The following NEDD4L variants were observed in gnomAD, a reference collection of about 807,000 sequenced individuals.
NEDD4L encodes the protein NEDD4 like E3 ubiquitin protein ligase.
NEDD4L carries 54 observed loss-of-function variants against 148.9 expected under a neutral mutation model. That is an observed-to-expected ratio of 0.36 (90% CI 0.29 to 0.45). The LOEUF is 0.45. Ranked by LOEUF, NEDD4L falls within the 20% of genes least tolerant of loss-of-function variation. NEDD4L has a pLI of 1.00. For synonymous variants in NEDD4L, 433 were observed against 440.7 expected (o/e 0.98, Z 0.22); for missense variants, 856 against 1,233.8 (o/e 0.69, Z 4.59).
intron 1 of NEDD4L, among the ~76,000 whole-genome samples, chr18:58,130,826 G>A (rs1271104605): frequency 6.8e-6 from 1 of 147,610 alleles, no homozygotes; most frequent in Non-Finnish European, 1.5e-5. Context: ...CTGTGGTAGT[G>A]TTGGCCTTTG....
chr18:58,123,241 ACTT>A (rs1374147702), intron 1 of NEDD4L, among the ~76,000 whole-genome samples: 3 of 151,962 alleles, frequency 2.0e-5, no homozygotes, highest in Non-Finnish European at 4.4e-5. Flanking sequence ...TCCATTCTTG[ACTT>A]CTTCTGGTCC....
chr18:58,148,053 T>A (rs1004844710), intron 1 of NEDD4L, among the ~76,000 whole-genome samples: 70 of 152,218 alleles, frequency 4.6e-4, no homozygotes, highest in Non-Finnish European at 6.5e-4. Context: ...CCCCCCTTTT[T>A]TTTTTGGTCA....
chr18:58,044,983 G>T, intron 1 of NEDD4L: 1 of 434,250 alleles, frequency 2.3e-6, no homozygotes. Context: ...GGAGGAGAGG[G>T]AGGGGGCATG....
In NEDD4L at chr18:58,109,155, A is replaced by G. The variant is rs374447232; in HGVS notation, c.49-56633A>G. ...AACCAGCCGTGATTAGGTGCTCCAA[A>G]TTAGAATAAGGCAAGGCTCCTGCCC... is the stretch of plus-strand genomic sequence containing the variant. On this transcript the variant is annotated intron_variant, in intron 1 of 30. Transcript: ENST00000400345. Among the ~76,000 whole-genome samples, 281 of 152,364 alleles carry G rather than the reference A, an allele frequency of 1.8e-3. 1 individual carries two copies. The highest frequency in any genetic ancestry group is 0.01 in the Middle Eastern group (3 of 294).
intron 1 of NEDD4L, among the ~76,000 whole-genome samples, chr18:58,068,093 G>T (rs1358899630): frequency 6.6e-6 from 1 of 152,002 alleles, no homozygotes; most frequent in Non-Finnish European, 1.5e-5. Context: ...CTGAGTAGCT[G>T]GGACTACAGA....
rs141344124 is a variant in NEDD4L, at chr18:58,244,824, T to G, written c.123-603T>G. On this transcript the variant is annotated intron_variant, in intron 2 of 30. Coordinates refer to ENST00000400345, the MANE Select transcript of NEDD4L (RefSeq NM_001144967.3). ...GATTCTTCTGCCTCAGCCTCCTGAG[T>G]AGCTGGGATTACAGGCACCTGCCAC... Among the ~76,000 whole-genome samples the G allele has an allele frequency of 6.6e-5, 10 of 152,268 alleles. No homozygotes were observed. The East Asian group carries it at 1.5e-3, about 23-fold the overall frequency.
chr18:58,126,268 C>T (rs2031072761), intron 1 of NEDD4L, among the ~76,000 whole-genome samples: 1 of 152,226 alleles, frequency 6.6e-6, no homozygotes, highest in South Asian at 2.1e-4. Flanking sequence ...AAAGAGAAAC[C>T]TTGTATCCTT....
intron 2 of NEDD4L, among the ~76,000 whole-genome samples, chr18:58,237,497 C>A (rs183484821): frequency 1.6e-4 from 24 of 152,240 alleles, no homozygotes; most frequent in Admixed American, 3.3e-4. Flanking sequence ...TTGTCATTTT[C>A]TTTGGTGACT....
At chr18:58,258,758 A>G (rs1303924031) in intron 5 of NEDD4L, among the ~76,000 whole-genome samples, 3 of 152,164 alleles carry the variant, frequency 2.0e-5, no homozygotes, top group Admixed American at 6.5e-5. Flanking sequence ...AAGCAAAACG[A>G]TTTTTCTTTA....
At chr18:58,130,538 CTGT>C (rs1274211132) in intron 1 of NEDD4L, among the ~76,000 whole-genome samples, 1 of 107,342 alleles carries the variant, frequency 9.3e-6, no homozygotes, top group Non-Finnish European at 1.8e-5. Context: ...GTGTTGGGCT[CTGT>C]TGGGGTTTGG....
chr18:58,231,280 A>T lies in NEDD4L; in HGVS notation c.123-14147A>T, dbSNP rs527614259. 1.7e-3 allele frequency among the ~76,000 whole-genome samples: 258 copies of T among 151,636 alleles called. 3 individuals are homozygous for T. The highest frequency in any genetic ancestry group is 5.9e-3 in the African/African-American group (242 of 41,332). On this transcript the variant is annotated intron_variant, in intron 2 of 30. Transcript: ENST00000400345. Reference sequence around the variant, plus strand: ...AAAAAAGAACAGAAAAGGAACAAACAACAGACACAAGATTCCATGGAAAAG... The same window carrying T: ...AAAAAAGAACAGAAAAGGAACAAACTACAGACACAAGATTCCATGGAAAAG...
intron 1 of NEDD4L, among the ~76,000 whole-genome samples, chr18:58,106,979 A>G (rs1599316346): frequency 1.3e-5 from 2 of 152,216 alleles, no homozygotes; most frequent in Admixed American, 6.5e-5. Flanking sequence ...ACATTTATTT[A>G]TTTTTTTAAT....
At chr18:58,103,514 T>C (rs1436775004) in intron 1 of NEDD4L, among the ~76,000 whole-genome samples, 1 of 152,116 alleles carries the variant, frequency 6.6e-6, no homozygotes, top group Non-Finnish European at 1.5e-5. Context: ...CCGTGGCCAA[T>C]CACAGCACTT....
intron 1 of NEDD4L, among the ~76,000 whole-genome samples, chr18:58,056,468 GAT>G (rs2082089764): frequency 6.6e-6 from 1 of 152,224 alleles, no homozygotes; most frequent in Non-Finnish European, 1.5e-5. Context: ...CCAGCTCAGG[GAT>G]GTCTTCAGGA....
At position 58,236,136 on chromosome 18, in the gene NEDD4L, C is replaced by T. The variant is rs150139925; in HGVS notation, c.123-9291C>T. On this transcript the variant is annotated intron_variant, in intron 2 of 30. Coordinates refer to ENST00000400345, the MANE Select transcript of NEDD4L (RefSeq NM_001144967.3). ...GTTTGGGAGGCAGAGGCAGGAAGAT[C>T]GCCTGAAGCTAGGAGTTTGAGACCA... is the stretch of plus-strand genomic sequence containing the variant. Among the ~76,000 whole-genome samples, 10 of 152,184 alleles carry T rather than the reference C, an allele frequency of 6.6e-5. No individual in the cohort carries two copies. The East Asian group carries it at 1.9e-3, about 30-fold the overall frequency.
intron 1 of NEDD4L, among the ~76,000 whole-genome samples, chr18:58,070,532 A>G: frequency 6.6e-6 from 1 of 152,132 alleles, no homozygotes; most frequent in Non-Finnish European, 1.5e-5. Context: ...TGACGACTTC[A>G]AAAAGCTCCA....
At position 58,163,702 on chromosome 18, in the gene NEDD4L, C is replaced by T. The variant is rs546858829; in HGVS notation, c.49-2086C>T. On this transcript the variant is annotated intron_variant, in intron 1 of 30. Transcript: ENST00000400345. ...TGTTCTTTACCGTATTATGAGGACA[C>T]TGTGCTTGCCACATGGGCAGTCTTG... Among the ~76,000 whole-genome samples the T allele has an allele frequency of 1.7e-3, 258 of 152,302 alleles. 1 individual carries two copies. The highest frequency in any genetic ancestry group is 6.1e-3 in the African/African-American group (252 of 41,558).
intron 5 of NEDD4L, among the ~76,000 whole-genome samples, chr18:58,298,201 C>A (rs11660589): frequency 0.27 from 40,903 of 152,026 alleles, 5,722 homozygotes; most frequent in Middle Eastern, 0.29. Flanking sequence ...TGTCTACATG[C>A]ATGTCATATC....
At chr18:58,309,935 A>C (rs1385611770) in intron 5 of NEDD4L, among the ~76,000 whole-genome samples, 2 of 152,144 alleles carry the variant, frequency 1.3e-5, no homozygotes, top group Non-Finnish European at 2.9e-5. Flanking sequence ...ATACTGGTCT[A>C]GTTATGCTTT....
Sources: gnomAD v4.1 joint callset for allele counts (sites outside exome capture counted in the v4.1 genomes callset) on GRCh38, gnomAD v4.1.1 for gene constraint, MANE v1.5 for transcripts, NCBI Gene and HGNC (gene_info 2026-07-23, HGNC 2026-07-21) for gene names.